IGF2R: variants seen among roughly 807,000 people sequenced by gnomAD.
The protein encoded by IGF2R is insulin like growth factor 2 receptor, also known as cation-independent mannose-6-phosphate receptor.
IGF2R carries 91 observed loss-of-function variants against 270.6 expected under a neutral mutation model. The observed-to-expected ratio is 0.34, with a 90% CI of 0.28 to 0.40. The LOEUF (loss-of-function observed/expected upper bound fraction) is 0.40. IGF2R is among the 10% of genes least tolerant of loss of function. The probability of loss-of-function intolerance (pLI) is 1.00; values close to 1 mark genes in which losing one functional copy is unlikely to be tolerated. For synonymous variants in IGF2R, 1,316 were observed against 1,258.9 expected, an observed-to-expected ratio of 1.05 and a Z score of -0.96; for missense variants, 2,805 against 3,188.3, an observed-to-expected ratio of 0.88 and a Z score of 2.90.
At chr6:160,041,679 T>A (rs1777950142) in intron 11 of IGF2R, among the ~76,000 whole-genome samples, 1 of 152,112 alleles carries the variant, frequency 6.6e-6, no homozygotes, top group Non-Finnish European at 1.5e-5. Flanking sequence ...AAATACCAGG[T>A]TAGAAAGAGG....
chr6:160,033,153 T>C (rs763242381), intron 9 of IGF2R, 46 bp downstream of exon 9: 3 of 1,480,716 alleles, frequency 2.0e-6, no homozygotes, highest in Non-Finnish European at 2.8e-6. Context: ...TTTGTATTTC[T>C]TGAGATAGGG....
In IGF2R at chr6:160,096,392, G is replaced by C. The variant is rs192850815; in HGVS notation, c.6656-47G>C. On this transcript the variant is annotated intron_variant, in intron 44 of 47. Coordinates refer to ENST00000356956, the MANE Select transcript of IGF2R (RefSeq NM_000876.4). The stretch of plus-strand genomic sequence containing the variant: ...GTAAGGAGCTAAGCTCAGTCTGCTC[G>C]TGAAAAATGATGGTGACATGCCATG... 404 of 1,558,034 alleles carry C rather than the reference G, an allele frequency of 2.6e-4. 6 individuals carry two copies. In the African/African-American group the frequency reaches 5.1e-3, roughly 20 times the overall value.
intron 4 of IGF2R, among the ~76,000 whole-genome samples, chr6:160,021,678 A>T (rs1441868473): frequency 1.3e-5 from 2 of 152,082 alleles, no homozygotes; most frequent in African/African-American, 4.8e-5. Context: ...CCACAATGAG[A>T]TACCATCTTA....
rs760360179 is a variant in IGF2R, at chr6:160,078,356, C to T, written c.5472C>T (p.Thr1824=). ...ACTTGTCCAGCCTTTCCACGAGCAC[C>T]TTTAAGGTAATGCGTTCACCCTGGG... ...SFNLSSLSTS[T]FKVTRDSRTY... The change falls in exon 37 of 48, where the codon ACC becomes ACT. Residue 1824 remains threonine (T), a synonymous_variant. Transcript: ENST00000356956. The T allele has an allele frequency of 4.3e-6, 7 of 1,613,904 alleles. No individual in the cohort carries two copies. Among genetic ancestry groups the T allele is most frequent in the South Asian group, 1.1e-5 (1 of 91,090 alleles).
intron 10 of IGF2R, 87 bp from the exon 11 acceptor site, chr6:160,040,473 G>A (rs920623075): frequency 1.9e-5 from 22 of 1,147,900 alleles, no homozygotes; most frequent in Non-Finnish European, 2.7e-5. Flanking sequence ...GTTGGCATTG[G>A]TCCTGTTCAG....
Position 160,010,857 on chromosome 6 carries a change from C to A in IGF2R, c.513+72C>A. On this transcript the variant is annotated intron_variant, in intron 4 of 47. Coordinates refer to ENST00000356956, the MANE Select transcript of IGF2R (RefSeq NM_000876.4). ...GAACTTTATCTTTCAAATACTGATT[C>A]TAACCTTTCCGGGTGAAAATCTTTT... The A allele has an allele frequency of 3.5e-6, 3 of 866,044 alleles. No individual in the cohort carries two copies. In the South Asian group the frequency reaches 4.5e-5, roughly 13 times the overall value. The allele number at this position is 866,044 out of a possible 1,614,324, so 53.6% of individuals were successfully genotyped here.
At chr6:160,058,797 CA>C in intron 21 of IGF2R, 108 bp from the exon 22 acceptor site, 1 of 978,484 alleles carries the variant, frequency 1.0e-6, no homozygotes, top group South Asian at 1.6e-5. Flanking sequence ...AGTTAACTAA[CA>C]AATAAGAAAT....
chr6:160,089,508 CAG>C (rs931096311), intron 43 of IGF2R, among the ~76,000 whole-genome samples: 19 of 152,254 alleles, frequency 1.2e-4, no homozygotes, highest in African/African-American at 4.1e-4. Flanking sequence ...ATGATAATCT[CAG>C]GGGTTGAAGC....
intron 45 of IGF2R, among the ~76,000 whole-genome samples, chr6:160,100,609 C>T (rs185740624): frequency 1.6e-4 from 24 of 151,998 alleles, no homozygotes; most frequent in East Asian, 1.4e-3. Context: ...ATTTAATAGA[C>T]ATGCGCAGAA....
chr6:160,069,812 C>G, intron 30 of IGF2R, 56 bp from the exon 31 acceptor site: 4 of 1,525,974 alleles, frequency 2.6e-6, no homozygotes, highest in East Asian at 2.3e-5. Flanking sequence ...TGATGAAGTT[C>G]TGTTCTAGCC....
chr6:160,081,692 T>TC (rs1778986161), intron 39 of IGF2R, among the ~76,000 whole-genome samples: 1 of 152,094 alleles, frequency 6.6e-6, no homozygotes, highest in African/African-American at 2.4e-5. Flanking sequence ...GCCCCTGCCT[T>TC]CCTCCCGGGA....
At chr6:160,020,846 C>T (rs1341097677) in intron 4 of IGF2R, among the ~76,000 whole-genome samples, 2 of 152,130 alleles carry the variant, frequency 1.3e-5, no homozygotes, top group Non-Finnish European at 2.9e-5. Context: ...TATAAAATTC[C>T]CAGAAGAAAA....
Position 160,058,046 on chromosome 6 carries a change from C to T in IGF2R, c.2820C>T (p.Asn940=). 1 of 1,613,248 alleles carries T rather than the reference C, an allele frequency of 6.2e-7. No homozygotes were observed. The highest frequency in any genetic ancestry group is 8.5e-7 in the Non-Finnish European group (1 of 1,179,208). The change falls in exon 21 of 48, where the codon AAC becomes AAT. Residue 940 remains asparagine, a synonymous_variant. Transcript: ENST00000356956. ...AGGCTTGCTCTATAAGGGATCCCAA[C>T]AGTGGATTTGTGTTTAATCTTAATC... The part of the protein sequence containing the change: ...TDQACSIRDP[N]SGFVFNLNPL...
intron 11 of IGF2R, 66 bp from the exon 12 acceptor site, chr6:160,043,082 A>T: frequency 6.4e-7 from 1 of 1,567,166 alleles, no homozygotes; most frequent in Non-Finnish European, 8.7e-7. Flanking sequence ...CTTAATCACT[A>T]TTTATTCTGT....
At chr6:159,997,014 G>A (rs1784063376) in intron 2 of IGF2R, among the ~76,000 whole-genome samples, 1 of 152,190 alleles carries the variant, frequency 6.6e-6, no homozygotes, top group African/African-American at 2.4e-5. Context: ...TAGAGGGTGG[G>A]GGAGGAGAAG....
chr6:160,064,653 A>ATAATTTT, intron 28 of IGF2R, 122 bp downstream of exon 28: 2 of 1,216,740 alleles, frequency 1.6e-6, no homozygotes, highest in Admixed American at 4.0e-5. Flanking sequence ...GTTTAAAATA[A>ATAATTTT]CCATTTACAG....
At chr6:160,093,848 T>G in intron 44 of IGF2R, 1 of 729,772 alleles carries the variant, frequency 1.4e-6, no homozygotes. Flanking sequence ...AATAAATATC[T>G]CAGATAAGCA....
At position 160,050,469 on chromosome 6, in the gene IGF2R, G is replaced by A; in HGVS notation, c.2515-4G>A. Reference sequence around the variant, plus strand: ...AAAGCCTAACAAGACTGGTTTTCTTGCAGGGCTCCTTCACTGAAGTGGTTT... The same window carrying A: ...AAAGCCTAACAAGACTGGTTTTCTTACAGGGCTCCTTCACTGAAGTGGTTT... On this transcript the variant is annotated splice_polypyrimidine_tract_variant and splice_region_variant and intron_variant, in intron 18 of 47. Transcript: ENST00000356956. This position sits in a 1 kb window ranked among gnomAD's most constrained non-coding sequence, Gnocchi z 4.0. The A allele has an allele frequency of 6.2e-7, 1 of 1,602,906 alleles. No individual in the cohort carries two copies. Among genetic ancestry groups the A allele is most frequent in the Non-Finnish European group, 8.5e-7 (1 of 1,170,982 alleles).
intron 1 of IGF2R, among the ~76,000 whole-genome samples, chr6:159,986,599 C>T (rs2115179283): frequency 6.6e-6 from 1 of 152,222 alleles, no homozygotes; most frequent in East Asian, 1.9e-4. Flanking sequence ...ATGTATTCAA[C>T]ACATTCTTTT....
Sources: allele counts gnomAD v4.1 joint callset (sites outside exome capture counted in the v4.1 genomes callset), GRCh38; gene constraint gnomAD v4.1.1; non-coding constraint Gnocchi (gnomAD v3.1); transcripts MANE v1.5; gene names NCBI Gene and HGNC (gene_info 2026-07-23, HGNC 2026-07-21).